Variants in PPM1D observed in about 807,000 individuals in gnomAD.
PPM1D encodes the protein protein phosphatase, Mg2+/Mn2+ dependent 1D.
A neutral mutation model predicts 58.3 loss-of-function variants in PPM1D; 52 were observed. The ratio of observed to expected loss-of-function variants is 0.89; its 90% confidence interval spans 0.71 to 1.12. The LOEUF (loss-of-function observed/expected upper bound fraction) is 1.12, where lower values mean the gene tolerates loss of function less well. Among genes scored for constraint, PPM1D ranks in the 50% most tolerant of loss-of-function variants. The pLI is 0.00. For synonymous variants in PPM1D, 278 were observed against 285.1 expected (o/e 0.98, Z 0.25); for missense variants, 564 against 777.2 (o/e 0.73, Z 3.26).
At chr17:60,604,966 G>A (rs1348854604) in intron 1 of PPM1D, among the ~76,000 whole-genome samples, 2 of 152,072 alleles carry the variant, frequency 1.3e-5, no homozygotes, top group Non-Finnish European at 2.9e-5. Flanking sequence ...CTACAGGCAT[G>A]TGCCATCATA....
intron 1 of PPM1D, among the ~76,000 whole-genome samples, chr17:60,603,946 C>T (rs1005954229): frequency 4.6e-5 from 7 of 151,950 alleles, no homozygotes; most frequent in Non-Finnish European, 1.0e-4. Flanking sequence ...AGCTATTTTC[C>T]CCCCCAGAGA....
At chr17:60,650,095 G>A (rs1461756265) in intron 4 of PPM1D, among the ~76,000 whole-genome samples, 3 of 152,158 alleles carry the variant, frequency 2.0e-5, no homozygotes, top group African/African-American at 7.2e-5. Flanking sequence ...GGAAGCATCC[G>A]TATAATGTAT....
chr17:60,615,484 T>C (rs1396071681), intron 1 of PPM1D, among the ~76,000 whole-genome samples: 1 of 151,768 alleles, frequency 6.6e-6, no homozygotes, highest in African/African-American at 2.4e-5. Flanking sequence ...ACTTCTCGTT[T>C]TATGTCATTA....
At chr17:60,604,319 G>T (rs1194467702) in intron 1 of PPM1D, among the ~76,000 whole-genome samples, 1 of 152,146 alleles carries the variant, frequency 6.6e-6, no homozygotes, top group Non-Finnish European at 1.5e-5. Context: ...GTATCATTGA[G>T]AACAAATACT....
At chr17:60,614,755 C>T (rs538670991) in intron 1 of PPM1D, among the ~76,000 whole-genome samples, 4 of 152,152 alleles carry the variant, frequency 2.6e-5, no homozygotes, top group East Asian at 3.9e-4. Flanking sequence ...CAACTCCAGA[C>T]GCGCAGCATT....
intron 1 of PPM1D, among the ~76,000 whole-genome samples, chr17:60,610,401 T>C (rs901097544): frequency 6.6e-6 from 1 of 152,222 alleles, no homozygotes; most frequent in African/African-American, 2.4e-5. Flanking sequence ...TTTTCACTTA[T>C]GGATAGTATA....
At chr17:60,632,712 G>A (rs1313651683) in intron 2 of PPM1D, among the ~76,000 whole-genome samples, 2 of 152,226 alleles carry the variant, frequency 1.3e-5, no homozygotes, top group African/African-American at 4.8e-5. Flanking sequence ...TTAGGCAGGC[G>A]TGGTGGCCCA....
Position 60,642,999 on chromosome 17 carries a change from C to T in PPM1D, c.827-4893C>T, listed in dbSNP as rs532222901. Among the ~76,000 whole-genome samples, 196 of 148,326 alleles carry T rather than the reference C, an allele frequency of 1.3e-3. 1 individual carries two copies. Among genetic ancestry groups the T allele is most frequent in the Admixed American group, 2.2e-3 (32 of 14,690 alleles). On this transcript the variant is annotated intron_variant, in intron 3 of 5. Coordinates refer to ENST00000305921, the MANE Select transcript of PPM1D (RefSeq NM_003620.4). The stretch of plus-strand genomic sequence containing the variant: ...AGGAGAATGGCGTGAACCCAGGAGG[C>T]GAGATCACGCCACTGCACTCCAGCC...
At chr17:60,603,945 C>T (rs1048598555) in intron 1 of PPM1D, among the ~76,000 whole-genome samples, 2 of 152,046 alleles carry the variant, frequency 1.3e-5, no homozygotes, top group East Asian at 1.9e-4. Flanking sequence ...TAGCTATTTT[C>T]CCCCCCAGAG....
chr17:60,614,591 A>G (rs915493528), intron 1 of PPM1D, among the ~76,000 whole-genome samples: 17 of 152,116 alleles, frequency 1.1e-4, no homozygotes, highest in African/African-American at 3.9e-4. Context: ...GGTGGCTTCC[A>G]CACCGTGGAA....
chr17:60,633,419 T>C (rs1389307407), intron 2 of PPM1D, among the ~76,000 whole-genome samples: 2 of 152,180 alleles, frequency 1.3e-5, no homozygotes, highest in Non-Finnish European at 2.9e-5. Context: ...TATTTATTTA[T>C]TTATTGAGAC....
In PPM1D at chr17:60,656,694, A is replaced by G. The variant is rs148601685; in HGVS notation, c.1113A>G (p.Ile371Met). The G allele has an allele frequency of 1.9e-6, 3 of 1,614,110 alleles. No individual in the cohort carries two copies. The highest frequency in any genetic ancestry group is 2.5e-6 in the Non-Finnish European group (3 of 1,180,056). Residue 371 changes from isoleucine to methionine, a missense_variant, in exon 5 of 6, where the codon ATA becomes ATG. Around this residue, in one of 7 missense-constraint regions of PPM1D, gnomAD observed 18 missense variants for 43.9 expected, o/e 0.41. Transcript: ENST00000305921. ...TCCGAGCAGATAACACTAGTGCCAT[A>G]GTAATCTGCATCTCTCCAGAAGTGG... ...RMLRADNTSAIVICISPEVDN... is the reference protein window; with the variant it reads ...RMLRADNTSAMVICISPEVDN...
At chr17:60,661,883 A>C (rs1301840102) in intron 5 of PPM1D, among the ~76,000 whole-genome samples, 1 of 152,234 alleles carries the variant, frequency 6.6e-6, no homozygotes, top group Admixed American at 6.5e-5. Context: ...AGGAGATAGG[A>C]TAAACCAAAA....
intron 3 of PPM1D, among the ~76,000 whole-genome samples, chr17:60,637,621 G>A (rs1334347826): frequency 6.6e-6 from 1 of 152,126 alleles, no homozygotes; most frequent in Non-Finnish European, 1.5e-5. Flanking sequence ...CTTTCAATTT[G>A]GGGGAGCCAG....
At chr17:60,646,974 C>T (rs2031261351) in intron 3 of PPM1D, among the ~76,000 whole-genome samples, 2 of 152,280 alleles carry the variant, frequency 1.3e-5, no homozygotes, top group South Asian at 4.1e-4. Context: ...GATGTAGGTA[C>T]TTTACTGATC....
intron 5 of PPM1D, chr17:60,657,050 T>C (rs1294895621): frequency 1.2e-5 from 17 of 1,466,620 alleles, no homozygotes; most frequent in Non-Finnish European, 1.5e-5. Flanking sequence ...AAGGTGATTG[T>C]GGGCCCTTAA....
intron 1 of PPM1D, among the ~76,000 whole-genome samples, chr17:60,609,037 G>A (rs905453680): frequency 1.3e-5 from 2 of 151,522 alleles, no homozygotes; most frequent in African/African-American, 2.4e-5. Flanking sequence ...GTGAGCCACC[G>A]CGCCCGGCCT....
intron 5 of PPM1D, among the ~76,000 whole-genome samples, chr17:60,658,710 T>C (rs1351021371): frequency 6.6e-6 from 1 of 151,328 alleles, no homozygotes; most frequent in East Asian, 1.9e-4. Flanking sequence ...ACGCCTGTAA[T>C]CCCAGCACTT....
chr17:60,650,094 C>T (rs1204376747), intron 4 of PPM1D, among the ~76,000 whole-genome samples: 4 of 152,002 alleles, frequency 2.6e-5, no homozygotes, highest in East Asian at 1.9e-4. Context: ...AGGAAGCATC[C>T]GTATAATGTA....
Sources: allele counts gnomAD v4.1 joint callset (sites outside exome capture counted in the v4.1 genomes callset), GRCh38; gene constraint gnomAD v4.1.1; regional missense constraint gnomAD v4.1.1; transcripts MANE v1.5; gene names NCBI Gene and HGNC (gene_info 2026-07-23, HGNC 2026-07-21).